F11R: variants seen among roughly 807,000 people sequenced by gnomAD.
The protein encoded by F11R is junctional adhesion molecule A.
Under a neutral mutation model 39.3 loss-of-function variants are expected in F11R, and 27 were observed. The ratio of observed to expected loss-of-function variants is 0.69; its 90% CI spans 0.51 to 0.95. The LOEUF is 0.95. F11R is among the 40% of genes least tolerant of loss of function. The pLI is 0.00. For missense variants in F11R, 335 were observed against 372.7 expected (o/e 0.90, Z 0.83); for synonymous variants, 131 against 144.9 (o/e 0.90, Z 0.69).
intron 1 of F11R, among the ~76,000 whole-genome samples, chr1:161,005,011 A>C (rs1571012195): frequency 6.6e-6 from 1 of 151,424 alleles, no homozygotes; most frequent in East Asian, 2.0e-4. Flanking sequence ...AAGTACAAAA[A>C]CCAGCCAGGG....
At chr1:161,010,260 G>A (rs979859377) in intron 1 of F11R, among the ~76,000 whole-genome samples, 3 of 151,644 alleles carry the variant, frequency 2.0e-5, no homozygotes, top group Non-Finnish European at 2.9e-5. Context: ...CCTGGCCAAC[G>A]TGGTGAAACC....
intron 1 of F11R, among the ~76,000 whole-genome samples, chr1:161,002,194 G>A (rs548216399): frequency 3.3e-5 from 5 of 151,196 alleles, no homozygotes; most frequent in Admixed American, 1.3e-4. Context: ...CCCGGGAGGC[G>A]GAGATTGCAG....
chr1:161,010,598 C>T (rs934117112), intron 1 of F11R, among the ~76,000 whole-genome samples: 5 of 152,090 alleles, frequency 3.3e-5, no homozygotes, highest in Non-Finnish European at 5.9e-5. Context: ...AGATCCTGTT[C>T]AAATGTCTAT....
intron 1 of F11R, among the ~76,000 whole-genome samples, chr1:161,001,606 TTCTC>T (rs762946699): frequency 2.0e-5 from 3 of 152,258 alleles, no homozygotes; most frequent in Non-Finnish European, 2.9e-5. Context: ...CTTCTAATTT[TTCTC>T]TCTGTGACTC....
intron 1 of F11R, among the ~76,000 whole-genome samples, chr1:161,012,600 T>TTTTATTTA (rs10649944): frequency 0.34 from 49,647 of 143,954 alleles, 9,188 homozygotes; most frequent in African/African-American, 0.48. Flanking sequence ...AATTAATTAA[T>TTTTATTTA]TTTATTTATT....
chr1:161,021,117 G>C lies in F11R; in HGVS notation c.-44C>G. On this transcript the variant is annotated 5_prime_UTR_variant, in exon 1 of 10. Transcript: ENST00000368026. ...ACAACAGCCGCCGAAGGACTCCTGG[G>C]AACAGACACAGCTCCGCGACTACAG... 6.4e-7 allele frequency: 1 copy of C among 1,558,170 alleles called. No homozygotes were observed.
intron 9 of F11R, 26 bp downstream of exon 9, chr1:160,999,017 C>A: frequency 6.2e-7 from 1 of 1,614,200 alleles, no homozygotes; most frequent in East Asian, 2.2e-5. Context: ...AGGTGGCCCA[C>A]CCCTGCCCAG....
rs987595347 is a variant in F11R, at chr1:161,000,214, T to C, written c.523A>G (p.Thr175Ala). The C allele has an allele frequency of 6.2e-7, 1 of 1,614,114 alleles. No individual in the cohort carries two copies. Among genetic ancestry groups the C allele is most frequent in the Non-Finnish European group, 8.5e-7 (1 of 1,180,016 alleles). The part of the protein sequence containing the change: ...TWFKDGIVMP[T>A]NPKSTRAFSN... Reference sequence around the variant, plus strand: ...AAGGCACGGGTGCTTTTGGGATTCGTAGGCATCACTATCCCATCTTTGAAC... The same window carrying C: ...AAGGCACGGGTGCTTTTGGGATTCGCAGGCATCACTATCCCATCTTTGAAC... The change falls in exon 5 of 10, where the codon ACG becomes GCG. Residue 175 changes from threonine (T) to alanine (A), a missense_variant. Coordinates refer to ENST00000368026, the MANE Select transcript of F11R (RefSeq NM_016946.6).
chr1:161,004,132 G>T (rs767757058), intron 1 of F11R, among the ~76,000 whole-genome samples: 2 of 152,064 alleles, frequency 1.3e-5, no homozygotes, highest in Non-Finnish European at 2.9e-5. Flanking sequence ...TTTTTAAAGA[G>T]CTGGGTTCTT....
At chr1:161,005,915 G>C (rs1305931919) in intron 1 of F11R, among the ~76,000 whole-genome samples, 1 of 151,982 alleles carries the variant, frequency 6.6e-6, no homozygotes, top group Non-Finnish European at 1.5e-5. Flanking sequence ...GAGGCGGGCA[G>C]GTCACCTGAG....
intron 1 of F11R, among the ~76,000 whole-genome samples, chr1:161,015,323 G>A (rs542297023): frequency 8.0e-5 from 12 of 150,160 alleles, no homozygotes; most frequent in Non-Finnish European, 8.9e-5. Context: ...GCGTGAACCC[G>A]CGAGGCGGAG....
intron 1 of F11R, among the ~76,000 whole-genome samples, 156 bp from the exon 2 acceptor site, chr1:161,001,509 C>G (rs564820442): frequency 1.3e-5 from 2 of 152,216 alleles, no homozygotes; most frequent in Non-Finnish European, 2.9e-5. Flanking sequence ...CACTTTGTCA[C>G]CATGATCCTA....
chr1:161,012,484 T>TATAAGA (rs1386422586), intron 1 of F11R, among the ~76,000 whole-genome samples: 2 of 151,442 alleles, frequency 1.3e-5, no homozygotes, highest in Non-Finnish European at 2.9e-5. Flanking sequence ...AAAGAAGAAA[T>TATAAGA]ACAACATAAA....
At chr1:161,012,233 C>T (rs1649201302) in intron 1 of F11R, among the ~76,000 whole-genome samples, 2 of 152,310 alleles carry the variant, frequency 1.3e-5, no homozygotes, top group South Asian at 4.1e-4. Context: ...AGGTCAGACC[C>T]ATAACAGAAA....
intron 3 of F11R, 30 bp from the exon 4 acceptor site, chr1:161,000,807 A>G: frequency 6.2e-7 from 1 of 1,613,750 alleles, no homozygotes; most frequent in East Asian, 2.2e-5. Context: ...GAGCAAGGAC[A>G]GAGTGAACTG....
intron 1 of F11R, among the ~76,000 whole-genome samples, chr1:161,005,343 GC>G (rs1648742712): frequency 7.3e-6 from 1 of 137,194 alleles, no homozygotes; most frequent in Admixed American, 7.6e-5. Flanking sequence ...TCACTCTGTT[GC>G]CCCGGCTAGA....
chr1:161,017,427 G>T (rs1649526278), intron 1 of F11R, among the ~76,000 whole-genome samples: 1 of 152,264 alleles, frequency 6.6e-6, no homozygotes, highest in Non-Finnish European at 1.5e-5. Flanking sequence ...CTTAAGGCTG[G>T]AGGTGGGACA....
At chr1:161,020,963 A>G (rs376683202) in intron 1 of F11R, 47 bp downstream of exon 1, 74 of 1,583,502 alleles carry the variant, frequency 4.7e-5, no homozygotes, top group Non-Finnish European at 6.4e-5. Flanking sequence ...CCTTCCTCCA[A>G]CCTCTGACCC....
intron 1 of F11R, among the ~76,000 whole-genome samples, chr1:161,011,433 G>A (rs3007161): frequency 0.027 from 4,179 of 152,236 alleles, 181 homozygotes; most frequent in African/African-American, 0.093. Flanking sequence ...TAGGAATAAT[G>A]TAGAAAGGAC....
Sources: gnomAD v4.1 joint callset for allele counts (sites outside exome capture counted in the v4.1 genomes callset) on GRCh38, gnomAD v4.1.1 for gene constraint, MANE v1.5 for transcripts, NCBI Gene and HGNC (gene_info 2026-07-23, HGNC 2026-07-21) for gene names.